KDM1A: variants seen among roughly 807,000 people sequenced by gnomAD.
The protein encoded by KDM1A is lysine-specific histone demethylase 1A.
A neutral mutation model predicts 109.4 loss-of-function variants in KDM1A; 49 were observed. The observed-to-expected ratio is 0.45, with a 90% CI of 0.36 to 0.57. The LOEUF is 0.57. Ranked by LOEUF, KDM1A falls within the 20% of genes least tolerant of loss-of-function variation. KDM1A has a pLI of 0.00. For missense variants in KDM1A, 668 were observed against 1,116.6 expected (o/e 0.60, Z 5.73); for synonymous variants, 380 against 415.4 (o/e 0.91, Z 1.04).
At chr1:23,077,060 G>C (rs918992913) in intron 15 of KDM1A, among the ~76,000 whole-genome samples, 168 bp from the exon 16 acceptor site, 9 of 151,668 alleles carry the variant, frequency 5.9e-5, no homozygotes, top group African/African-American at 2.2e-4. Context: ...TTTTCCTTCA[G>C]TTTCCTTTGG....
At chr1:23,082,688 G>T in intron 20 of KDM1A, 1 of 235,454 alleles carries the variant, frequency 4.2e-6, no homozygotes, top group East Asian at 8.6e-5. Flanking sequence ...TTGCTGTAAG[G>T]TCTCAATTAC....
intron 1 of KDM1A, among the ~76,000 whole-genome samples, chr1:23,023,335 T>G (rs1641699007): frequency 6.6e-6 from 1 of 152,212 alleles, no homozygotes; most frequent in Non-Finnish European, 1.5e-5. Flanking sequence ...CTAAGAGTTT[T>G]TTAGTTTTAG....
chr1:23,050,617 A>G (rs1642639501), intron 4 of KDM1A, 97 bp downstream of exon 4: 7 of 998,032 alleles, frequency 7.0e-6, no homozygotes, highest in Non-Finnish European at 9.7e-6. Flanking sequence ...AAAGAATTCT[A>G]AAATTATCTA....
chr1:23,072,085 A>C, intron 13 of KDM1A, 39 bp from the exon 14 acceptor site: 2 of 1,268,718 alleles, frequency 1.6e-6, no homozygotes, highest in Non-Finnish European at 2.3e-6. Flanking sequence ...TGGATATCTG[A>C]CCCTTCAGGG....
chr1:23,081,203 A>G, intron 18 of KDM1A: 1 of 455,754 alleles, frequency 2.2e-6, no homozygotes, highest in Non-Finnish European at 3.9e-6. Context: ...GCCAGGTTAG[A>G]AGCAGTGAGG....
intron 9 of KDM1A, among the ~76,000 whole-genome samples, chr1:23,061,859 A>C (rs1447393693): frequency 6.6e-6 from 1 of 152,010 alleles, no homozygotes; most frequent in Non-Finnish European, 1.5e-5. Flanking sequence ...GGGTTTTTCC[A>C]TGTTGGCCAG....
rs1642372669 is a variant in KDM1A, at chr1:23,042,457, T to TTTTTTG, written c.518-1965_518-1964insGTTTTT. On this transcript the variant is annotated intron_variant, in intron 2 of 20. Coordinates refer to ENST00000400181, the MANE Select transcript of KDM1A (RefSeq NM_001009999.3). ...AATATATTATTTTTTTTTTTTTTTTTTTTTTTTTTTTTTGAGACGGAGTCT... is the reference window on the plus strand; with the variant it reads ...AATATATTATTTTTTTTTTTTTTTTTTTTTTGTTTTTTTTTTTTTGAGACGGAGTCT... Among the ~76,000 whole-genome samples the TTTTTTG allele has an allele frequency of 9.8e-5, 11 of 111,768 alleles. 1 individual carries two copies. Among genetic ancestry groups the TTTTTTG allele is most frequent in the African/African-American group, 3.3e-4 (10 of 30,426 alleles). The allele number at this position is 111,768 out of a possible 152,430, so 73.3% of individuals were successfully genotyped here. A position where few individuals can be genotyped will look rare whatever the true frequency, so the allele number is the denominator to read the frequency against.
intron 3 of KDM1A, among the ~76,000 whole-genome samples, chr1:23,048,267 ATTTAT>A (rs1642560575): frequency 6.6e-6 from 1 of 151,866 alleles, no homozygotes; most frequent in South Asian, 2.1e-4. Context: ...TTCAGTTTTT[ATTTAT>A]TTTGATTTGG....
chr1:23,058,459 T>A (rs1194687928), intron 8 of KDM1A, among the ~76,000 whole-genome samples: 1 of 152,200 alleles, frequency 6.6e-6, no homozygotes, highest in Non-Finnish European at 1.5e-5. Flanking sequence ...ATACGTTTCA[T>A]GGCTTTAGAA....
chr1:23,069,669 G>A (rs1030087235), intron 12 of KDM1A, among the ~76,000 whole-genome samples: 1 of 152,212 alleles, frequency 6.6e-6, no homozygotes, highest in African/African-American at 2.4e-5. Flanking sequence ...AGAATTAGCT[G>A]TACTGGAGCC....
Position 23,081,751 on chromosome 1 carries a change from G to A in KDM1A, c.2298+178G>A, listed in dbSNP as rs12086789. The stretch of plus-strand genomic sequence containing the variant: ...GCGTGGGGTTCAGAAAACCCCCCAG[G>A]ACAAGAGCTGGGGAGTCTGAAGGCT... On this transcript the variant is annotated intron_variant, in intron 19 of 20. Transcript: ENST00000400181. 0.014 allele frequency: 9,442 copies of A among 681,390 alleles called. 677 individuals carry two copies. In the African/African-American group the frequency reaches 0.15, roughly 11 times the overall value. 42.2% of individuals were successfully genotyped at this position (681,390 alleles called of 1,614,324 possible).
chr1:23,039,141 ATTGT>A (rs1642235283), intron 2 of KDM1A, among the ~76,000 whole-genome samples: 1 of 152,122 alleles, frequency 6.6e-6, no homozygotes, highest in Non-Finnish European at 1.5e-5. Context: ...TCTGAGTTCT[ATTGT>A]TTAATTTCCA....
rs1022011104 is a variant in KDM1A at position 23,083,311 on chromosome 1, C to T, written c.2578C>T (p.Leu860=). ...CCAGTTTTTGGGGGCCATGTATACG[C>T]TGCCTCGCCAGGCCACACCAGGTGT... is the stretch of plus-strand genomic sequence containing the variant. ...ADQFLGAMYT[L]PRQATPGVPA... is the part of the protein sequence containing the mutation. The change falls in exon 21 of 21, where the codon CTG becomes TTG. Residue 860 remains leucine (L), a synonymous_variant. Coordinates refer to ENST00000400181, the MANE Select transcript of KDM1A (RefSeq NM_001009999.3). The T allele has an allele frequency of 3.7e-6, 6 of 1,613,804 alleles. No individual in the cohort carries two copies. The highest frequency in any genetic ancestry group is 3.4e-6 in the Non-Finnish European group (4 of 1,179,994).
intron 1 of KDM1A, among the ~76,000 whole-genome samples, chr1:23,029,323 G>A (rs1224461268): frequency 1.3e-5 from 2 of 151,964 alleles, no homozygotes; most frequent in Admixed American, 1.3e-4. Flanking sequence ...ATCTTTTCAT[G>A]GAATTAATAA....
chr1:23,057,378 A>C, intron 7 of KDM1A, 106 bp from the exon 8 acceptor site: 1 of 802,726 alleles, frequency 1.2e-6, no homozygotes, highest in South Asian at 1.6e-5. Context: ...TGTAAACTCT[A>C]CATCTTTATT....
At position 23,019,878 on chromosome 1, in the gene KDM1A, G is replaced by T; in HGVS notation, c.282G>T (p.Ala94=). The T allele has an allele frequency of 6.4e-7, 1 of 1,556,728 alleles. No individual in the cohort carries two copies. Among genetic ancestry groups the T allele is most frequent in the South Asian group, 1.2e-5 (1 of 85,286 alleles). ...GCCCTACTGTCGTGCCTGGGTCTGC[G>T]ACCCCCATGGAAACTGGAATAGCAG... is the stretch of plus-strand genomic sequence containing the variant. ...QAGPTVVPGS[A]TPMETGIAET... The change falls in exon 1 of 21, where the codon GCG becomes GCT. Residue 94 remains alanine (A), a synonymous_variant. Transcript: ENST00000400181.
At chr1:23,020,781 T>G (rs1218774890) in intron 1 of KDM1A, among the ~76,000 whole-genome samples, 1 of 152,190 alleles carries the variant, frequency 6.6e-6, no homozygotes, top group Non-Finnish European at 1.5e-5. Flanking sequence ...TTAAGCAACT[T>G]GCCTAAAGTC....
At chr1:23,023,500 ATAAATC>A (rs1334151094) in intron 1 of KDM1A, among the ~76,000 whole-genome samples, 1 of 152,224 alleles carries the variant, frequency 6.6e-6, no homozygotes, top group African/African-American at 2.4e-5. Flanking sequence ...TTGATTAACT[ATAAATC>A]TAAGAGTTTA....
chr1:23,045,394 T>C (rs1361929923), intron 3 of KDM1A, among the ~76,000 whole-genome samples: 5 of 152,228 alleles, frequency 3.3e-5, no homozygotes, highest in Non-Finnish European at 1.5e-5. Context: ...AGGTAGTTCA[T>C]TGTTAATACA....
Sources: gnomAD v4.1 joint callset for allele counts (sites outside exome capture counted in the v4.1 genomes callset) on GRCh38, gnomAD v4.1.1 for gene constraint, MANE v1.5 for transcripts, NCBI Gene and HGNC (gene_info 2026-07-23, HGNC 2026-07-21) for gene names.